Variants in KAZN observed in about 807,000 individuals in gnomAD.
The protein encoded by KAZN is kazrin.
Under a neutral mutation model 87.4 loss-of-function variants are expected in KAZN, and 40 were observed. The observed-to-expected ratio is 0.46, with a 90% CI of 0.36 to 0.60. The LOEUF (loss-of-function observed/expected upper bound fraction) is 0.60, where lower values mean the gene tolerates loss of function less well. KAZN is among the 20% of genes least tolerant of loss of function. The pLI is 0.00. For synonymous variants in KAZN, 466 were observed against 458.3 expected (o/e 1.02, Z -0.22); for missense variants, 898 against 1,073.9 (o/e 0.84, Z 2.29).
chr1:13,982,433 C>T (rs914690615), intron 1 of KAZN, among the ~76,000 whole-genome samples: 14 of 152,170 alleles, frequency 9.2e-5, no homozygotes, highest in South Asian at 2.1e-4. Flanking sequence ...TGCCGACTTT[C>T]GCGCTGAGTG....
chr1:14,751,443 G>A (rs1439895427), intron 1 of KAZN, among the ~76,000 whole-genome samples: 2 of 152,106 alleles, frequency 1.3e-5, no homozygotes, highest in African/African-American at 4.8e-5. Flanking sequence ...TCAGCGCTAG[G>A]CATTATCCAC....
intron 2 of KAZN, among the ~76,000 whole-genome samples, chr1:14,257,959 T>TAAAAAAAAAAAAAAAAAA (rs1168366132): frequency 3.5e-5 from 1 of 28,740 alleles, no homozygotes; most frequent in Non-Finnish European, 8.5e-5. Flanking sequence ...AAAAAAACAT[T>TAAAAAAAAAAAAAAAAAA]AAAAAAAAAA....
chr1:14,595,070 G>A (rs1197854490), upstream of KAZN, among the ~76,000 whole-genome samples: 5 of 152,018 alleles, frequency 3.3e-5, no homozygotes, highest in Admixed American at 3.3e-4. Context: ...CTTGAACCCG[G>A]GAGGCAGAGG....
chr1:13,962,617 G>T (rs1460470323), intron 1 of KAZN, among the ~76,000 whole-genome samples: 1 of 152,172 alleles, frequency 6.6e-6, no homozygotes, highest in Non-Finnish European at 1.5e-5. Context: ...GAGTGCAGTG[G>T]CGTGATCTTG....
intron 2 of KAZN, among the ~76,000 whole-genome samples, chr1:15,016,993 G>A (rs1013293961): frequency 1.3e-5 from 2 of 152,000 alleles, no homozygotes; most frequent in African/African-American, 4.8e-5. Flanking sequence ...TAGTATCCAT[G>A]GGAATAAAGA....
intron 1 of KAZN, among the ~76,000 whole-genome samples, chr1:14,178,141 C>T (rs1003060883): frequency 1.3e-5 from 2 of 152,092 alleles, no homozygotes; most frequent in African/African-American, 4.8e-5. Context: ...TCTCTCCTGC[C>T]ACCCAGTGAA....
At chr1:15,048,724 T>TCGA in intron 4 of KAZN, among the ~76,000 whole-genome samples, 1 of 144,104 alleles carries the variant, frequency 6.9e-6, no homozygotes, top group African/African-American at 2.8e-5. Context: ...TCCTGGGTCG[T>TCGA]TGGTCATGGG....
chr1:14,172,145 A>C (rs1361745569), intron 1 of KAZN, among the ~76,000 whole-genome samples: 2 of 152,250 alleles, frequency 1.3e-5, no homozygotes, highest in Non-Finnish European at 2.9e-5. Flanking sequence ...CACATTCAAA[A>C]CAACCAACCA....
At chr1:14,246,037 G>T (rs778383442) in intron 2 of KAZN, among the ~76,000 whole-genome samples, 4 of 152,134 alleles carry the variant, frequency 2.6e-5, no homozygotes, top group Admixed American at 6.5e-5. Context: ...GCAGGGGCAT[G>T]GATAAAGCTG....
chr1:14,742,332 T>C (rs1644126658), intron 1 of KAZN, among the ~76,000 whole-genome samples: 1 of 152,216 alleles, frequency 6.6e-6, no homozygotes, highest in Non-Finnish European at 1.5e-5. Flanking sequence ...GTCTGTGTTA[T>C]TCATGAATGT....
intron 1 of KAZN, among the ~76,000 whole-genome samples, chr1:14,944,901 G>A (rs956901186): frequency 1.4e-4 from 22 of 152,192 alleles, no homozygotes; most frequent in Non-Finnish European, 2.9e-4. Context: ...CCTCTTGCCC[G>A]CCTGCCAGCT....
chr1:14,765,139 G>T (rs982790924), intron 1 of KAZN, among the ~76,000 whole-genome samples: 3 of 152,150 alleles, frequency 2.0e-5, no homozygotes, highest in African/African-American at 7.2e-5. Flanking sequence ...GTTGTGGGGG[G>T]CTGTCCTGTG....
At chr1:15,014,086 C>T (rs943027213) in intron 2 of KAZN, among the ~76,000 whole-genome samples, 1 of 152,084 alleles carries the variant, frequency 6.6e-6, no homozygotes, top group Non-Finnish European at 1.5e-5. Flanking sequence ...AACTAAGAAC[C>T]GAGTTTGCTC....
intron 2 of KAZN, among the ~76,000 whole-genome samples, chr1:14,237,391 G>T (rs980643058): frequency 2.0e-5 from 3 of 152,150 alleles, no homozygotes; most frequent in Admixed American, 2.0e-4. Context: ...AAATTGCAAA[G>T]AGATCAGACC....
At chr1:15,070,486 A>G (rs1325345189) in intron 8 of KAZN, among the ~76,000 whole-genome samples, 1 of 152,158 alleles carries the variant, frequency 6.6e-6, no homozygotes, top group Non-Finnish European at 1.5e-5. Context: ...GGGGTAGTGC[A>G]GCCCCCAACA....
chr1:14,550,156 A>G (rs1286378392), intron 2 of KAZN, among the ~76,000 whole-genome samples: 1 of 152,244 alleles, frequency 6.6e-6, no homozygotes, highest in Non-Finnish European at 1.5e-5. Context: ...TCTCTGTGCC[A>G]GGCACTGCCT....
chr1:14,276,343 A>G (rs916372408), intron 2 of KAZN, among the ~76,000 whole-genome samples: 1 of 152,088 alleles, frequency 6.6e-6, no homozygotes, highest in African/African-American at 2.4e-5. Flanking sequence ...AGAAGATCTT[A>G]TGGTTTTTCT....
intron 2 of KAZN, among the ~76,000 whole-genome samples, chr1:15,015,294 A>C (rs1039099934): frequency 1.2e-4 from 19 of 152,100 alleles, no homozygotes; most frequent in Admixed American, 1.2e-3. Flanking sequence ...CTGGGATTAC[A>C]GGCGCCCGCC....
chr1:14,114,390 A>G (rs1644566561), intron 1 of KAZN, among the ~76,000 whole-genome samples: 1 of 151,944 alleles, frequency 6.6e-6, no homozygotes, highest in African/African-American at 2.4e-5. Context: ...GACTCTGGCG[A>G]TTTGCAGAAT....
Sources: gnomAD v4.1 joint callset for allele counts (sites outside exome capture counted in the v4.1 genomes callset) on GRCh38, gnomAD v4.1.1 for gene constraint, MANE v1.5 for transcripts, NCBI Gene and HGNC (gene_info 2026-07-23, HGNC 2026-07-21) for gene names.